PLD1: variants seen among roughly 807,000 people sequenced by gnomAD.
PLD1 encodes phospholipase D1.
A neutral mutation model predicts 137.1 loss-of-function variants in PLD1; 112 were observed. That is an observed-to-expected ratio of 0.82 (90% CI 0.70 to 0.96). The LOEUF (loss-of-function observed/expected upper bound fraction) is 0.96. PLD1 is among the 40% of genes least tolerant of loss of function. The probability of loss-of-function intolerance (pLI) is 0.00; values close to 1 mark genes in which losing one functional copy is unlikely to be tolerated. For synonymous variants in PLD1, 431 were observed against 454.7 expected (o/e 0.95, Z 0.66); for missense variants, 1,321 against 1,342.0 (o/e 0.98, Z 0.24).
intron 7 of PLD1, among the ~76,000 whole-genome samples, chr3:171,725,694 G>A (rs4582082): frequency 0.36 from 54,890 of 152,034 alleles, 11,021 homozygotes; most frequent in African/African-American, 0.52. Context: ...ATAAGGGATT[G>A]TAAAAGGAGA....
In PLD1 at chr3:171,601,854, C is replaced by T. The variant is rs912306871; in HGVS notation, c.*1224G>A. 8 of 152,188 alleles carry T rather than the reference C, an allele frequency of 5.3e-5. No homozygotes were observed. Among genetic ancestry groups the T allele is most frequent in the Non-Finnish European group, 1.0e-4 (7 of 68,044 alleles). 9.4% of individuals were successfully genotyped at this position (152,188 alleles called of 1,614,324 possible). Reference sequence around the variant, plus strand: ...AAAATTTAGTTTATCAAAGGGTACTCTAACATCCGAAAAGGAAAAACACGT... The same window carrying T: ...AAAATTTAGTTTATCAAAGGGTACTTTAACATCCGAAAAGGAAAAACACGT... On this transcript the variant is annotated 3_prime_UTR_variant, in exon 27 of 27. Transcript: ENST00000351298.
chr3:171,613,311 G>T (rs1168011972), intron 24 of PLD1, among the ~76,000 whole-genome samples: 1 of 151,066 alleles, frequency 6.6e-6, no homozygotes, highest in Non-Finnish European at 1.5e-5. Flanking sequence ...GTTCCTTATT[G>T]TTTCACACAC....
At chr3:171,655,607 G>C (rs927913209) in intron 21 of PLD1, among the ~76,000 whole-genome samples, 1 of 152,030 alleles carries the variant, frequency 6.6e-6, no homozygotes, top group Non-Finnish European at 1.5e-5. Flanking sequence ...CAAAGTGCTG[G>C]GATTACAGGT....
Position 171,687,572 on chromosome 3 carries a change from C to A in PLD1, c.1552G>T (p.Glu518Ter). The A allele has an allele frequency of 1.2e-6, 2 of 1,612,064 alleles. No homozygotes were observed. The highest frequency in any genetic ancestry group is 1.7e-6 in the Non-Finnish European group (2 of 1,179,292). ...SLGSLPPAAM[E>*]SMESLRLKDK... Reference sequence around the variant, plus strand: ...TTGAGTCTTAAGGATTCCATAGACTCCATTGCGGCAGGCTGAGAAAAATTT... The same window carrying A: ...TTGAGTCTTAAGGATTCCATAGACTACATTGCGGCAGGCTGAGAAAAATTT... Residue 518 changes from glutamate to a stop codon, truncating the protein, a stop_gained, in exon 15 of 27, where the codon GAG (glutamate) becomes TAG (stop). Transcript: ENST00000351298. LOFTEE classifies it high-confidence loss of function.
intron 16 of PLD1, among the ~76,000 whole-genome samples, chr3:171,683,093 G>C (rs1714175916): frequency 6.6e-6 from 1 of 152,044 alleles, no homozygotes. Flanking sequence ...AATTTTCCTT[G>C]CTCTTCCCAT....
intron 6 of PLD1, among the ~76,000 whole-genome samples, chr3:171,729,594 T>C (rs1221179787): frequency 1.3e-5 from 2 of 151,944 alleles, no homozygotes; most frequent in Non-Finnish European, 2.9e-5. Context: ...GAGCATTGAG[T>C]TGGGCAATGT....
chr3:171,625,221 G>T (rs550369197), intron 23 of PLD1, among the ~76,000 whole-genome samples: 4 of 152,310 alleles, frequency 2.6e-5, no homozygotes, highest in African/African-American at 9.6e-5. Flanking sequence ...TGGCTTGGAG[G>T]CTCCCACGCC....
chr3:171,804,959 T>C (rs574665089), intron 1 of PLD1, among the ~76,000 whole-genome samples: 1 of 152,198 alleles, frequency 6.6e-6, no homozygotes, highest in Non-Finnish European at 1.5e-5. Context: ...TTCTACGGCT[T>C]TCCTTTTCCC....
intron 19 of PLD1, among the ~76,000 whole-genome samples, chr3:171,670,588 G>A (rs1222144955): frequency 1.3e-5 from 2 of 152,208 alleles, no homozygotes; most frequent in African/African-American, 2.4e-5. Flanking sequence ...TTCAGGACCA[G>A]AGGAATAAAA....
Position 171,724,793 on chromosome 3 carries a change from A to G in PLD1, c.666-5T>C. 1 of 1,573,120 alleles carries G rather than the reference A, an allele frequency of 6.4e-7. No homozygotes were observed. The highest frequency in any genetic ancestry group is 8.7e-7 in the Non-Finnish European group (1 of 1,146,154). ...CTTTTCATTATCATACCTTCTCTGA[A>G]AGAGACAGAAAATTAACCCATCACC... On this transcript the variant is annotated splice_polypyrimidine_tract_variant and splice_region_variant and intron_variant, in intron 7 of 26. Transcript: ENST00000351298.
chr3:171,800,837 A>T (rs536494600), intron 1 of PLD1, among the ~76,000 whole-genome samples: 102 of 152,290 alleles, frequency 6.7e-4, no homozygotes, highest in African/African-American at 2.3e-3. Context: ...TAGTGAAGAG[A>T]GTCAGAGGTC....
intron 23 of PLD1, among the ~76,000 whole-genome samples, chr3:171,634,367 G>A (rs922726975): frequency 2.0e-5 from 3 of 152,058 alleles, no homozygotes; most frequent in Admixed American, 6.6e-5. Context: ...ATCCTCACCT[G>A]CGCATTTTTA....
At chr3:171,655,121 G>A (rs920622545) in intron 21 of PLD1, among the ~76,000 whole-genome samples, 4 of 152,212 alleles carry the variant, frequency 2.6e-5, no homozygotes, top group African/African-American at 9.6e-5. Context: ...GCTGACTGCG[G>A]ACTGTCATTT....
intron 8 of PLD1, among the ~76,000 whole-genome samples, chr3:171,715,807 T>C (rs1717639276): frequency 6.6e-6 from 1 of 152,144 alleles, no homozygotes; most frequent in African/African-American, 2.4e-5. Flanking sequence ...CACATACAGG[T>C]TTGTTACATA....
intron 17 of PLD1, 98 bp from the exon 18 acceptor site, chr3:171,676,931 G>A (rs1713429991): frequency 1.4e-6 from 1 of 712,430 alleles, no homozygotes; most frequent in African/African-American, 1.8e-5. Flanking sequence ...ACGTGGGTTA[G>A]TGCCCACTAG....
chr3:171,721,016 C>G (rs926226379), intron 8 of PLD1, among the ~76,000 whole-genome samples: 1 of 152,156 alleles, frequency 6.6e-6, no homozygotes, highest in Non-Finnish European at 1.5e-5. Context: ...CTCATCGCTA[C>G]CTGAATTTAT....
chr3:171,691,400 T>G (rs1715137200), intron 13 of PLD1, among the ~76,000 whole-genome samples: 1 of 147,852 alleles, frequency 6.8e-6, no homozygotes, highest in Non-Finnish European at 1.5e-5. Flanking sequence ...CCTGCATTAC[T>G]GTCTTGTTTT....
intron 1 of PLD1, among the ~76,000 whole-genome samples, chr3:171,746,862 G>T (rs1458555772): frequency 6.6e-6 from 1 of 152,208 alleles, no homozygotes; most frequent in East Asian, 1.9e-4. Context: ...CTGGCAACCA[G>T]CTGGGGCCCC....
In PLD1 at chr3:171,603,033, T is replaced by C. The variant is rs750823463; in HGVS notation, c.*45A>G. 1.6e-5 allele frequency: 22 copies of C among 1,359,234 alleles called. No individual in the cohort carries two copies. The Admixed American group carries it at 3.7e-4, about 23-fold the overall frequency. 84.2% of individuals were successfully genotyped at this position (1,359,234 alleles called of 1,614,324 possible). ...ATCCCCAGGAAGTCACTGTGTGCAG[T>C]GTGGTCTCCAGGGTGGAAGTCTTTG... On this transcript the variant is annotated 3_prime_UTR_variant, in exon 27 of 27. Coordinates refer to ENST00000351298, the MANE Select transcript of PLD1 (RefSeq NM_002662.5).
Sources: allele counts gnomAD v4.1 joint callset (sites outside exome capture counted in the v4.1 genomes callset), GRCh38; gene constraint gnomAD v4.1.1; transcripts MANE v1.5; gene names NCBI Gene and HGNC (gene_info 2026-07-23, HGNC 2026-07-21).